FSHR: variants seen among roughly 807,000 people sequenced by gnomAD.
The protein encoded by FSHR is follicle stimulating hormone receptor.
FSHR carries 46 observed loss-of-function variants against 52.1 expected under a neutral mutation model. The ratio of observed to expected loss-of-function variants is 0.88; its 90% CI spans 0.70 to 1.13. The LOEUF (loss-of-function observed/expected upper bound fraction) is 1.13, where lower values mean the gene tolerates loss of function less well. Ranked by LOEUF, FSHR falls within the 50% of genes most tolerant of loss-of-function variation. The pLI, the probability that FSHR is intolerant of heterozygous loss-of-function variation, is 0.00. For synonymous variants in FSHR, 399 were observed against 309.6 expected, an observed-to-expected ratio of 1.29 and a Z score of -3.03; for missense variants, 964 against 834.6, an observed-to-expected ratio of 1.16 and a Z score of -1.91.
At chr2:49,053,807 A>C (rs1333690360) in intron 2 of FSHR, among the ~76,000 whole-genome samples, 1 of 152,212 alleles carries the variant, frequency 6.6e-6, no homozygotes, top group Non-Finnish European at 1.5e-5. Flanking sequence ...AATTTTTCCC[A>C]ATCATTTTAA....
At chr2:49,133,751 C>T (rs938982964) in intron 1 of FSHR, among the ~76,000 whole-genome samples, 1 of 152,062 alleles carries the variant, frequency 6.6e-6, no homozygotes, top group African/African-American at 2.4e-5. Flanking sequence ...ACAGAGCCCT[C>T]AGAAATAATA....
At chr2:49,011,938 G>C (rs977122075) in intron 4 of FSHR, among the ~76,000 whole-genome samples, 7 of 152,118 alleles carry the variant, frequency 4.6e-5, no homozygotes, top group African/African-American at 1.7e-4. Context: ...GGACTTAGCT[G>C]AGGGTTGGGA....
In FSHR at chr2:49,073,923, G is replaced by A. The variant is rs76745829; in HGVS notation, c.153-5633C>T. ...AACTAATTTTTGACAAAGGTGTCAAGAACACTCACTGGGGAAAGGACAGTC... is the reference window on the plus strand; with the variant it reads ...AACTAATTTTTGACAAAGGTGTCAAAAACACTCACTGGGGAAAGGACAGTC... On this transcript the variant is annotated intron_variant, in intron 1 of 9. Transcript: ENST00000406846. 4.9e-4 allele frequency among the ~76,000 whole-genome samples: 75 copies of A among 152,112 alleles called. 1 individual carries two copies. In the East Asian group the frequency reaches 0.014, roughly 28 times the overall value.
intron 2 of FSHR, among the ~76,000 whole-genome samples, chr2:49,054,811 C>T (rs1274491139): frequency 6.6e-6 from 1 of 152,182 alleles, no homozygotes; most frequent in Non-Finnish European, 1.5e-5. Context: ...ACAGATACTA[C>T]ACTATTGTAT....
At chr2:48,987,726 C>T (rs377329672) in intron 6 of FSHR, among the ~76,000 whole-genome samples, 42 of 152,154 alleles carry the variant, frequency 2.8e-4, no homozygotes, top group African/African-American at 9.4e-4. Flanking sequence ...CTTCTTTCCT[C>T]TTAGAATGAT....
At chr2:49,002,973 C>T (rs761234953) in intron 4 of FSHR, among the ~76,000 whole-genome samples, 3 of 152,124 alleles carry the variant, frequency 2.0e-5, no homozygotes, top group African/African-American at 7.2e-5. Context: ...AGCTGCTTCC[C>T]TTGCAAGTCC....
intron 4 of FSHR, among the ~76,000 whole-genome samples, chr2:49,012,982 C>A (rs1472916080): frequency 1.3e-5 from 2 of 152,056 alleles, no homozygotes; most frequent in Non-Finnish European, 2.9e-5. Context: ...TAAATGAGGT[C>A]ATAAGTGTAG....
At chr2:49,059,088 C>T (rs1204684184) in intron 2 of FSHR, among the ~76,000 whole-genome samples, 1 of 151,940 alleles carries the variant, frequency 6.6e-6, no homozygotes, top group East Asian at 1.9e-4. Flanking sequence ...GCCTGTAGTA[C>T]TAGCTACTTG....
At chr2:49,079,533 G>C (rs79621145) in intron 1 of FSHR, among the ~76,000 whole-genome samples, 1 of 151,916 alleles carries the variant, frequency 6.6e-6, no homozygotes, top group Non-Finnish European at 1.5e-5. Flanking sequence ...TTATGATATC[G>C]ACAGGGATTT....
chr2:48,998,221 T>G (rs1676110631), intron 4 of FSHR, among the ~76,000 whole-genome samples: 1 of 152,110 alleles, frequency 6.6e-6, no homozygotes, highest in Non-Finnish European at 1.5e-5. Context: ...AGATATTTTC[T>G]AATTAGACAT....
At chr2:48,992,251 AG>A (rs1262347135) in intron 4 of FSHR, among the ~76,000 whole-genome samples, 16 of 152,168 alleles carry the variant, frequency 1.1e-4, no homozygotes. Flanking sequence ...AAATACATAT[AG>A]CTACGTAACC....
intron 2 of FSHR, among the ~76,000 whole-genome samples, chr2:49,045,072 A>C (rs1366755090): frequency 1.3e-5 from 2 of 152,244 alleles, no homozygotes; most frequent in African/African-American, 4.8e-5. Flanking sequence ...TGACAATGAC[A>C]AAGGGAATAT....
At chr2:49,005,925 A>G (rs1234751794) in intron 4 of FSHR, among the ~76,000 whole-genome samples, 1 of 152,158 alleles carries the variant, frequency 6.6e-6, no homozygotes, top group Non-Finnish European at 1.5e-5. Flanking sequence ...CCCACCCTTA[A>G]TCTGAGTGGG....
intron 2 of FSHR, among the ~76,000 whole-genome samples, chr2:49,047,451 T>C (rs1668703041): frequency 6.6e-6 from 1 of 152,232 alleles, no homozygotes; most frequent in African/African-American, 2.4e-5. Flanking sequence ...AATGTCAGTG[T>C]GCTTACAGCA....
intron 2 of FSHR, among the ~76,000 whole-genome samples, chr2:49,023,749 A>G (rs1243683708): frequency 6.6e-6 from 1 of 152,088 alleles, no homozygotes; most frequent in Non-Finnish European, 1.5e-5. Flanking sequence ...GGGTTCACTG[A>G]GTGTCTGACT....
intron 2 of FSHR, among the ~76,000 whole-genome samples, chr2:49,050,040 G>A (rs1392206595): frequency 6.6e-6 from 1 of 151,944 alleles, no homozygotes; most frequent in Non-Finnish European, 1.5e-5. Flanking sequence ...CCCAAAAAGT[G>A]ACAAGAAAAT....
chr2:49,142,451 G>A (rs72879890), intron 1 of FSHR, among the ~76,000 whole-genome samples: 3,195 of 152,274 alleles, frequency 0.021, 95 homozygotes, highest in African/African-American at 0.073. Flanking sequence ...GTGACAGGAA[G>A]AGGTCAAATC....
chr2:49,081,563 A>G (rs982308680), intron 1 of FSHR, among the ~76,000 whole-genome samples: 28 of 152,336 alleles, frequency 1.8e-4, no homozygotes, highest in African/African-American at 6.7e-4. Flanking sequence ...ATTTAAAAGT[A>G]TCATCACACC....
At chr2:49,086,653 G>T (rs61296414) in intron 1 of FSHR, among the ~76,000 whole-genome samples, 44,992 of 152,068 alleles carry the variant, frequency 0.3, 7,011 homozygotes, top group East Asian at 0.51. Context: ...TTTAATTTGT[G>T]TTTTTGAGAT....
Sources: allele counts gnomAD v4.1 joint callset (sites outside exome capture counted in the v4.1 genomes callset), GRCh38; gene constraint gnomAD v4.1.1; transcripts MANE v1.5; gene names NCBI Gene and HGNC (gene_info 2026-07-23, HGNC 2026-07-21).